The following MAST4 variants were observed in gnomAD, a reference collection of about 807,000 sequenced individuals.
The protein encoded by MAST4 is microtubule associated serine/threonine kinase family member 4.
A neutral mutation model predicts 162.7 loss-of-function variants in MAST4; 89 were observed. The ratio of observed to expected loss-of-function variants is 0.55; its 90% CI spans 0.46 to 0.65. The LOEUF (loss-of-function observed/expected upper bound fraction) is 0.65. Ranked by LOEUF, MAST4 falls within the 30% of genes least tolerant of loss-of-function variation. MAST4 has a pLI of 0.00. For missense variants in MAST4, 3,153 were observed against 3,374.0 expected (o/e 0.93, Z 1.62); for synonymous variants, 1,479 against 1,361.1 (o/e 1.09, Z -1.91).
At chr5:67,149,341 C>A in intron 23 of MAST4, 48 bp from the exon 24 acceptor site, 2 of 1,544,044 alleles carry the variant, frequency 1.3e-6, no homozygotes, top group Non-Finnish European at 1.8e-6. Context: ...TCCCACCTCT[C>A]CTATCCTGGA....
intron 4 of MAST4, among the ~76,000 whole-genome samples, chr5:66,921,935 G>A (rs141064672): frequency 5.5e-4 from 83 of 152,142 alleles, no homozygotes; most frequent in African/African-American, 1.6e-3. Flanking sequence ...CATGTATTTG[G>A]TAAGATGGTA....
chr5:66,766,052 T>C (rs1335339163), intron 2 of MAST4, among the ~76,000 whole-genome samples: 1 of 152,160 alleles, frequency 6.6e-6, no homozygotes, highest in African/African-American at 2.4e-5. Flanking sequence ...ATTCTAATCA[T>C]TATAGAGACC....
At chr5:67,004,547 A>G (rs1364790132) in intron 4 of MAST4, 1 of 160,954 alleles carries the variant, frequency 6.2e-6, no homozygotes, top group African/African-American at 2.4e-5. Context: ...CTGATAAGCA[A>G]CAGCCTCCGG....
intron 3 of MAST4, chr5:66,870,916 CAG>C: frequency 4.3e-6 from 2 of 466,862 alleles, no homozygotes; most frequent in South Asian, 1.6e-5. Context: ...CTGCGGTAAA[CAG>C]GGTGTGGGGT....
intron 1 of MAST4, among the ~76,000 whole-genome samples, chr5:66,682,246 G>C (rs1748379209): frequency 6.6e-6 from 1 of 152,214 alleles, no homozygotes; most frequent in Non-Finnish European, 1.5e-5. Context: ...ACCTGGCTTT[G>C]AGTGGTTGGT....
intron 16 of MAST4, among the ~76,000 whole-genome samples, chr5:67,132,164 A>G (rs1406052878): frequency 1.3e-5 from 2 of 152,102 alleles, no homozygotes; most frequent in African/African-American, 2.4e-5. Flanking sequence ...AAAGGATACA[A>G]TGCATATGTA....
chr5:66,975,380 T>C (rs1392521231), intron 4 of MAST4, among the ~76,000 whole-genome samples: 2 of 152,116 alleles, frequency 1.3e-5, no homozygotes, highest in Non-Finnish European at 2.9e-5. Flanking sequence ...GTGAGGACAG[T>C]GTGGTGAGCA....
chr5:67,017,981 T>C (rs747761818), intron 4 of MAST4, among the ~76,000 whole-genome samples: 12 of 152,350 alleles, frequency 7.9e-5, no homozygotes, highest in Admixed American at 2.6e-4. Flanking sequence ...ACATTTTGTT[T>C]TGCTCTCCTT....
At chr5:66,917,556 T>G (rs2150033460) in intron 4 of MAST4, among the ~76,000 whole-genome samples, 1 of 151,440 alleles carries the variant, frequency 6.6e-6, no homozygotes, top group Admixed American at 6.6e-5. Flanking sequence ...AATCTTCAAC[T>G]TAAAATTTTG....
rs151096826 is a variant in MAST4 at position 67,156,996 on chromosome 5, A to G, written c.3648+3416A>G. ...GTTTAAAGTAAAAGTGAATTAATTGAACATTTAACAGTCTGCCAGCTGCAT... is the reference window on the plus strand; with the variant it reads ...GTTTAAAGTAAAAGTGAATTAATTGGACATTTAACAGTCTGCCAGCTGCAT... On this transcript the variant is annotated intron_variant, in intron 26 of 28. Transcript: ENST00000403625. 7.9e-4 allele frequency among the ~76,000 whole-genome samples: 121 copies of G among 152,372 alleles called. 1 individual carries two copies. The highest frequency in any genetic ancestry group is 2.6e-3 in the African/African-American group (109 of 41,588).
chr5:66,958,231 T>C (rs1308748273), intron 4 of MAST4, among the ~76,000 whole-genome samples: 2 of 152,222 alleles, frequency 1.3e-5, no homozygotes, highest in Non-Finnish European at 2.9e-5. Context: ...AATAAAGCTC[T>C]AATTTGTTCT....
At chr5:66,717,263 TAGAA>T (rs985485710) in intron 1 of MAST4, among the ~76,000 whole-genome samples, 2 of 152,130 alleles carry the variant, frequency 1.3e-5, no homozygotes, top group Non-Finnish European at 1.5e-5. Flanking sequence ...GCTATTAAGA[TAGAA>T]AGAGAGCCAT....
Position 66,963,978 on chromosome 5 carries a change from G to A in MAST4, c.674+63996G>A. On this transcript the variant is annotated intron_variant, in intron 4 of 28. Transcript: ENST00000403625. ...CATATTTACTCATATTTCACTTGGT[G>A]TCTCTTGACTCATTGTTCAATGTGT... The A allele has an allele frequency of 4.3e-6, 3 of 702,982 alleles. No individual in the cohort carries two copies. The East Asian group carries it at 8.2e-5, about 19-fold the overall frequency. The allele number at this position is 702,982 out of a possible 1,614,324, so 43.5% of individuals were successfully genotyped here.
At chr5:66,804,020 C>A (rs1756054671) in intron 3 of MAST4, among the ~76,000 whole-genome samples, 1 of 151,506 alleles carries the variant, frequency 6.6e-6, no homozygotes, top group Non-Finnish European at 1.5e-5. Flanking sequence ...CTATTAAGTG[C>A]TTTTTCTACA....
chr5:67,041,423 G>C (rs1756726849), intron 4 of MAST4, among the ~76,000 whole-genome samples: 1 of 152,150 alleles, frequency 6.6e-6, no homozygotes, highest in Non-Finnish European at 1.5e-5. Flanking sequence ...CTAACCTCTT[G>C]TATGAAAACG....
intron 1 of MAST4, among the ~76,000 whole-genome samples, chr5:66,690,300 C>T (rs13160105): frequency 0.1 from 15,360 of 152,004 alleles, 887 homozygotes; most frequent in East Asian, 0.26. Context: ...AGATATTCTG[C>T]GTTGTTATTT....
At chr5:66,778,145 C>G (rs938596300) in intron 2 of MAST4, among the ~76,000 whole-genome samples, 1 of 152,206 alleles carries the variant, frequency 6.6e-6, no homozygotes, top group Non-Finnish European at 1.5e-5. Context: ...TGCTTGATGT[C>G]AGAATCTTGT....
chr5:66,847,840 A>AAAAAAAAAAC (rs1561378445), intron 3 of MAST4, among the ~76,000 whole-genome samples: 1 of 150,976 alleles, frequency 6.6e-6, no homozygotes, highest in Non-Finnish European at 1.5e-5. Context: ...AAAAAAAAAA[A>AAAAAAAAAAC]AAAGAAAAAC....
At chr5:66,747,649 A>G (rs149854419) in intron 1 of MAST4, among the ~76,000 whole-genome samples, 95 of 152,318 alleles carry the variant, frequency 6.2e-4, no homozygotes, top group Middle Eastern at 3.4e-3. Flanking sequence ...AGGATGACCT[A>G]CAACCTAGGT....
Sources: allele counts gnomAD v4.1 joint callset (sites outside exome capture counted in the v4.1 genomes callset), GRCh38; gene constraint gnomAD v4.1.1; transcripts MANE v1.5; gene names NCBI Gene and HGNC (gene_info 2026-07-23, HGNC 2026-07-21).